LRP1B: variants seen among roughly 807,000 people sequenced by gnomAD.
The protein encoded by LRP1B is LDL receptor related protein 1B, also known as low-density lipoprotein receptor-related protein 1B.
Under a neutral mutation model 556.6 loss-of-function variants are expected in LRP1B, and 217 were observed. That is an observed-to-expected ratio of 0.39 (90% CI 0.35 to 0.44). The LOEUF is 0.44. LRP1B is among the 20% of genes least tolerant of loss of function. The pLI, the probability that LRP1B is intolerant of heterozygous loss-of-function variation, is 1.00. For missense variants in LRP1B, 5,053 were observed against 5,620.8 expected, an observed-to-expected ratio of 0.90 and a Z score of 3.23; for synonymous variants, 2,047 against 1,865.8, an observed-to-expected ratio of 1.10 and a Z score of -2.50.
At chr2:141,513,069 CTCCT>C (rs1160145267) in intron 2 of LRP1B, among the ~76,000 whole-genome samples, 1 of 152,080 alleles carries the variant, frequency 6.6e-6, no homozygotes, top group Non-Finnish European at 1.5e-5. Flanking sequence ...ATTCTCTTAG[CTCCT>C]TAGCCTCAGC....
chr2:140,558,827 T>G (rs1243396681), intron 43 of LRP1B, among the ~76,000 whole-genome samples: 1 of 151,722 alleles, frequency 6.6e-6, no homozygotes, highest in African/African-American at 2.4e-5. Flanking sequence ...TTCCAGCTAC[T>G]CAGGAGGCTG....
At chr2:141,564,969 C>T (rs1180394429) in intron 2 of LRP1B, among the ~76,000 whole-genome samples, 2 of 151,940 alleles carry the variant, frequency 1.3e-5, no homozygotes, top group Non-Finnish European at 2.9e-5. Flanking sequence ...AGGAATAAGA[C>T]ATTTTAAATG....
chr2:140,705,157 A>G (rs1210900387), intron 37 of LRP1B, among the ~76,000 whole-genome samples: 1 of 152,114 alleles, frequency 6.6e-6, no homozygotes, highest in Non-Finnish European at 1.5e-5. Context: ...ACACAGAAAT[A>G]TATAATGATA....
chr2:141,772,008 G>C (rs111975594), intron 2 of LRP1B, among the ~76,000 whole-genome samples: 2 of 151,852 alleles, frequency 1.3e-5, no homozygotes, highest in Admixed American at 6.6e-5. Context: ...TAGTAGAGAC[G>C]GGGTTTCACC....
intron 2 of LRP1B, among the ~76,000 whole-genome samples, chr2:141,737,832 G>A (rs532649811): frequency 9.9e-5 from 15 of 152,128 alleles, no homozygotes; most frequent in Non-Finnish European, 1.8e-4. Flanking sequence ...GTTTCACTAA[G>A]ACTTCTTAGT....
intron 2 of LRP1B, among the ~76,000 whole-genome samples, chr2:141,517,452 G>T (rs1326431886): frequency 6.6e-6 from 1 of 152,082 alleles, no homozygotes; most frequent in Non-Finnish European, 1.5e-5. Flanking sequence ...ACAGAGCGGG[G>T]ATTCTGTCTG....
chr2:140,311,646 C>T (rs1365763556), intron 83 of LRP1B, among the ~76,000 whole-genome samples: 1 of 151,810 alleles, frequency 6.6e-6, no homozygotes, highest in Non-Finnish European at 1.5e-5. Context: ...CAAAACTGCA[C>T]TTGTATTCCC....
At chr2:140,750,309 A>T (rs1047488740) in intron 35 of LRP1B, among the ~76,000 whole-genome samples, 2 of 152,210 alleles carry the variant, frequency 1.3e-5, no homozygotes, top group Admixed American at 6.6e-5. Flanking sequence ...TAGGGCATGA[A>T]GAATTCCCTA....
intron 1 of LRP1B, among the ~76,000 whole-genome samples, chr2:141,845,147 A>T (rs1298139682): frequency 6.6e-6 from 1 of 151,780 alleles, no homozygotes; most frequent in African/African-American, 2.4e-5. Context: ...ATTCACTAAC[A>T]GGTATTTTAA....
At chr2:141,947,161 G>T (rs1426608240) in intron 1 of LRP1B, among the ~76,000 whole-genome samples, 2 of 152,162 alleles carry the variant, frequency 1.3e-5, no homozygotes, top group Middle Eastern at 3.2e-3. Context: ...GCCAGGCACG[G>T]TGGCTCATGC....
intron 35 of LRP1B, among the ~76,000 whole-genome samples, chr2:140,729,598 C>T (rs1303801920): frequency 6.6e-6 from 1 of 152,074 alleles, no homozygotes; most frequent in Admixed American, 6.6e-5. Context: ...TAATGTGAAT[C>T]AATACTTTCT....
intron 2 of LRP1B, among the ~76,000 whole-genome samples, chr2:141,555,393 T>C (rs1292974853): frequency 1.3e-5 from 2 of 151,880 alleles, no homozygotes; most frequent in African/African-American, 2.4e-5. Context: ...CTAACCAATA[T>C]TTACTGAGCT....
intron 20 of LRP1B, among the ~76,000 whole-genome samples, chr2:140,931,926 G>A (rs1245199479): frequency 6.6e-6 from 1 of 152,102 alleles, no homozygotes; most frequent in Non-Finnish European, 1.5e-5. Flanking sequence ...AGATATGTTA[G>A]TTATCAAATA....
intron 83 of LRP1B, among the ~76,000 whole-genome samples, chr2:140,299,570 A>G (rs1257270517): frequency 6.6e-6 from 1 of 152,174 alleles, no homozygotes; most frequent in African/African-American, 2.4e-5. Flanking sequence ...ATTTTCCTTA[A>G]AATGGCAATG....
At chr2:140,380,464 T>C (rs1006514397) in intron 67 of LRP1B, among the ~76,000 whole-genome samples, 1 of 152,204 alleles carries the variant, frequency 6.6e-6, no homozygotes, top group Non-Finnish European at 1.5e-5. Context: ...GCCCTCCTGG[T>C]TGCAGACACA....
In LRP1B at chr2:141,449,088, C is replaced by T. The variant is rs540396905; in HGVS notation, c.343+31308G>A. The stretch of plus-strand genomic sequence containing the variant: ...ACAAAACTATGTGAAATCTTCCTTT[C>T]CTTAACTTAACTGCCATTACCTTTT... On this transcript the variant is annotated intron_variant, in intron 3 of 90. Transcript: ENST00000389484. 2.0e-5 allele frequency among the ~76,000 whole-genome samples: 3 copies of T among 152,292 alleles called. No individual in the cohort carries two copies. The East Asian group carries it at 5.8e-4, about 29-fold the overall frequency.
chr2:140,854,823 A>T (rs1692565320), intron 27 of LRP1B, among the ~76,000 whole-genome samples: 1 of 152,238 alleles, frequency 6.6e-6, no homozygotes. Flanking sequence ...GTAAGTAGCT[A>T]TTTTATAAGA....
chr2:141,544,479 C>T (rs963044259), intron 2 of LRP1B, among the ~76,000 whole-genome samples: 7 of 148,108 alleles, frequency 4.7e-5, no homozygotes, highest in African/African-American at 1.5e-4. Flanking sequence ...GTGTGTCTCA[C>T]TATGTTGTGC....
At chr2:140,871,252 A>G (rs531130581) in intron 25 of LRP1B, among the ~76,000 whole-genome samples, 380 of 152,288 alleles carry the variant, frequency 2.5e-3, no homozygotes, top group Non-Finnish European at 4.5e-3. Context: ...TTTGTTGGGA[A>G]CATTAGGTGA....
Sources: allele counts gnomAD v4.1 joint callset (sites outside exome capture counted in the v4.1 genomes callset), GRCh38; gene constraint gnomAD v4.1.1; transcripts MANE v1.5; gene names NCBI Gene and HGNC (gene_info 2026-07-23, HGNC 2026-07-21).